Variants in ITPK1 observed in about 807,000 individuals in gnomAD.
ITPK1 encodes inositol-tetrakisphosphate 1-kinase.
A neutral mutation model predicts 45.3 loss-of-function variants in ITPK1; 21 were observed. That is an observed-to-expected ratio of 0.46 (90% confidence interval 0.33 to 0.67). The LOEUF is 0.67. ITPK1 is among the 30% of genes least tolerant of loss of function. The pLI is 0.02. For missense variants in ITPK1, 474 were observed against 573.5 expected, an observed-to-expected ratio of 0.83 and a Z score of 1.77; for synonymous variants, 258 against 253.6, an observed-to-expected ratio of 1.02 and a Z score of -0.16.
intron 3 of ITPK1, among the ~76,000 whole-genome samples, chr14:93,050,613 C>A (rs935195357): frequency 1.3e-4 from 20 of 152,044 alleles, no homozygotes; most frequent in African/African-American, 4.6e-4. Context: ...CACCTCAGTT[C>A]GTGTTTCCTC....
chr14:92,947,527 A>G (rs1887746226), intron 9 of ITPK1, among the ~76,000 whole-genome samples: 1 of 152,246 alleles, frequency 6.6e-6, no homozygotes, highest in Admixed American at 6.5e-5. Context: ...AGCTCTGTGG[A>G]CTTCGGAAAC....
intron 5 of ITPK1, among the ~76,000 whole-genome samples, chr14:92,990,444 A>C (rs1886723025): frequency 6.6e-6 from 1 of 152,188 alleles, no homozygotes; most frequent in South Asian, 2.1e-4. Context: ...GGGCTTTTAC[A>C]TCAGAGAGAA....
intron 3 of ITPK1, among the ~76,000 whole-genome samples, chr14:93,033,200 T>G (rs1889151602): frequency 6.6e-6 from 1 of 152,214 alleles, no homozygotes; most frequent in African/African-American, 2.4e-5. Flanking sequence ...GGACCGAAGG[T>G]CATCTCAGCC....
At chr14:93,018,638 A>G (rs914897480) in intron 3 of ITPK1, among the ~76,000 whole-genome samples, 16 of 152,158 alleles carry the variant, frequency 1.1e-4, no homozygotes, top group African/African-American at 3.9e-4. Context: ...AATAAAACCA[A>G]AACCAGGCTA....
In ITPK1 at chr14:92,958,078, A is replaced by C; in HGVS notation, c.670+123T>G. ...ACACAACTGTTTCCACCTTTAGAGCACCTCTCCATCCCACCAAGAACACAG... is the reference window on the plus strand; with the variant it reads ...ACACAACTGTTTCCACCTTTAGAGCCCCTCTCCATCCCACCAAGAACACAG... On this transcript the variant is annotated intron_variant, in intron 8 of 10. Transcript: ENST00000267615. This position sits in a 1 kb window ranked among gnomAD's most constrained non-coding sequence, Gnocchi z 4.4. 3.4e-6 allele frequency: 3 copies of C among 882,932 alleles called. No individual in the cohort carries two copies. Among genetic ancestry groups the C allele is most frequent in the Non-Finnish European group, 5.5e-6 (3 of 545,550 alleles). 54.7% of individuals were successfully genotyped at this position (882,932 alleles called of 1,614,324 possible). A position where few individuals can be genotyped will look rare whatever the true frequency, so the allele number is the denominator to read the frequency against.
rs1566696400 is a variant in ITPK1 at position 92,958,384 on chromosome 14, C to G, written c.505-18G>C. ...ATAGCCATCTGGGAAGACAAGGGGTCAAAAGCTCTGTCAGAATCCACCACC... is the reference window on the plus strand; with the variant it reads ...ATAGCCATCTGGGAAGACAAGGGGTGAAAAGCTCTGTCAGAATCCACCACC... On this transcript the variant is annotated intron_variant, in intron 7 of 10. Transcript: ENST00000267615. This position sits in a 1 kb window ranked among gnomAD's most constrained non-coding sequence, Gnocchi z 4.4. The G allele has an allele frequency of 6.2e-7, 1 of 1,613,544 alleles. No individual in the cohort carries two copies. The highest frequency in any genetic ancestry group is 1.7e-5 in the Admixed American group (1 of 60,012).
At chr14:92,987,089 G>A (rs1354394992) in intron 5 of ITPK1, among the ~76,000 whole-genome samples, 1 of 152,208 alleles carries the variant, frequency 6.6e-6, no homozygotes, top group Admixed American at 6.5e-5. Context: ...ACCTCTCCAG[G>A]AAAAGCTGAT....
intron 3 of ITPK1, among the ~76,000 whole-genome samples, chr14:93,042,715 G>T (rs936057843): frequency 1.3e-5 from 2 of 152,200 alleles, no homozygotes; most frequent in South Asian, 4.1e-4. Context: ...ACAAGGAGAA[G>T]GAAATTAAAG....
chr14:92,981,318 T>C (rs868715446), intron 5 of ITPK1, among the ~76,000 whole-genome samples: 1 of 152,218 alleles, frequency 6.6e-6, no homozygotes, highest in Non-Finnish European at 1.5e-5. Flanking sequence ...AAGCAGAAAC[T>C]GGCCCTGGAG....
chr14:93,115,295 G>A lies in ITPK1; in HGVS notation c.-132C>T. 3.8e-6 allele frequency: 2 copies of A among 521,718 alleles called. No homozygotes were observed. Among genetic ancestry groups the A allele is most frequent in the Non-Finnish European group, 6.6e-6 (2 of 303,602 alleles). The allele number at this position is 521,718 out of a possible 1,614,324, so 32.3% of individuals were successfully genotyped here. On this transcript the variant is annotated 5_prime_UTR_variant, in exon 2 of 11. Transcript: ENST00000267615. ...GACGCGGAACGGGGATCGGAGCTGG[G>A]GCGCGCAGTCCTGCCGCGCGGAGCG...
intron 3 of ITPK1, among the ~76,000 whole-genome samples, chr14:93,019,192 A>G (rs898003085): frequency 3.3e-5 from 5 of 152,206 alleles, no homozygotes; most frequent in African/African-American, 1.2e-4. Context: ...GCCGGGCCAC[A>G]GGAGCGACGC....
At chr14:92,998,521 A>G (rs1043182839) in intron 4 of ITPK1, among the ~76,000 whole-genome samples, 1 of 152,242 alleles carries the variant, frequency 6.6e-6, no homozygotes, top group Non-Finnish European at 1.5e-5. Context: ...ATGTGTTTCA[A>G]AACAATCCGG....
At chr14:93,081,329 G>A (rs954071404) in intron 2 of ITPK1, among the ~76,000 whole-genome samples, 2 of 139,972 alleles carry the variant, frequency 1.4e-5, no homozygotes, top group Non-Finnish European at 3.0e-5. Context: ...GCGAGATGCC[G>A]TCTCAAAAAA....
At chr14:93,051,627 A>G (rs1566757218) in intron 3 of ITPK1, among the ~76,000 whole-genome samples, 4 of 151,880 alleles carry the variant, frequency 2.6e-5, no homozygotes. Context: ...AAGAAAAAAA[A>G]AAAAAAGAAA....
At chr14:93,079,722 G>A (rs1045046101) in intron 2 of ITPK1, among the ~76,000 whole-genome samples, 1 of 152,154 alleles carries the variant, frequency 6.6e-6, no homozygotes, top group Non-Finnish European at 1.5e-5. Flanking sequence ...CAACAACCTC[G>A]ATTCCCCAAG....
At chr14:93,065,229 A>T (rs1890697504) in intron 3 of ITPK1, among the ~76,000 whole-genome samples, 1 of 152,216 alleles carries the variant, frequency 6.6e-6, no homozygotes, top group African/African-American at 2.4e-5. Context: ...GACATAACTT[A>T]TGCTACAGAC....
At chr14:93,077,003 C>A (rs965665081) in intron 2 of ITPK1, among the ~76,000 whole-genome samples, 1 of 152,190 alleles carries the variant, frequency 6.6e-6, no homozygotes, top group East Asian at 1.9e-4. Flanking sequence ...CCCATAGGTC[C>A]CCATGTCCTC....
intron 5 of ITPK1, among the ~76,000 whole-genome samples, chr14:92,969,765 C>G (rs1395955762): frequency 6.6e-6 from 1 of 151,978 alleles, no homozygotes; most frequent in Non-Finnish European, 1.5e-5. Context: ...GCGACTGTTG[C>G]TTATTTCTCT....
At chr14:93,043,310 G>A (rs561104036) in intron 3 of ITPK1, among the ~76,000 whole-genome samples, 5 of 152,336 alleles carry the variant, frequency 3.3e-5, no homozygotes, top group Admixed American at 2.6e-4. Flanking sequence ...GACAGAAGGG[G>A]AGAAAAGAGA....
Sources: allele counts gnomAD v4.1 joint callset (sites outside exome capture counted in the v4.1 genomes callset), GRCh38; gene constraint gnomAD v4.1.1; non-coding constraint Gnocchi (gnomAD v3.1); transcripts MANE v1.5; gene names NCBI Gene and HGNC (gene_info 2026-07-23, HGNC 2026-07-21).